The following LARGE1 variants were observed in gnomAD, a reference collection of about 807,000 sequenced individuals.
The protein encoded by LARGE1 is xylosyl- and glucuronyltransferase LARGE1.
A neutral mutation model predicts 87.6 loss-of-function variants in LARGE1; 43 were observed. The observed-to-expected ratio is 0.49, with a 90% CI of 0.38 to 0.63. The LOEUF (loss-of-function observed/expected upper bound fraction) is 0.63, where lower values mean the gene tolerates loss of function less well. Ranked by LOEUF, LARGE1 falls within the 30% of genes least tolerant of loss-of-function variation. The probability of loss-of-function intolerance (pLI) is 0.00; values close to 1 mark genes in which losing one functional copy is unlikely to be tolerated. For synonymous variants in LARGE1, 434 were observed against 394.6 expected, an observed-to-expected ratio of 1.10 and a Z score of -1.18; for missense variants, 802 against 1,000.2, an observed-to-expected ratio of 0.80 and a Z score of 2.67.
chr22:33,534,437 A>C (rs756449093), intron 6 of LARGE1, among the ~76,000 whole-genome samples: 2 of 151,552 alleles, frequency 1.3e-5, no homozygotes, highest in Non-Finnish European at 2.9e-5. Context: ...AAGAGGGATG[A>C]AGTCACTCAC....
intron 6 of LARGE1, among the ~76,000 whole-genome samples, chr22:33,451,845 C>A (rs1187611957): frequency 6.6e-6 from 1 of 151,652 alleles, no homozygotes; most frequent in African/African-American, 2.4e-5. Flanking sequence ...GCGTGAGCCA[C>A]CGCCCCCGGC....
At chr22:33,769,010 G>A (rs2084987731) in intron 1 of LARGE1, among the ~76,000 whole-genome samples, 1 of 152,174 alleles carries the variant, frequency 6.6e-6, no homozygotes, top group Admixed American at 6.5e-5. Context: ...TCTCCTCTCT[G>A]CTCCTCACTT....
intron 6 of LARGE1, among the ~76,000 whole-genome samples, chr22:33,476,477 G>A (rs754266249): frequency 8.5e-5 from 13 of 152,172 alleles, no homozygotes; most frequent in African/African-American, 1.7e-4. Flanking sequence ...CATATTGACT[G>A]ATGCATCACG....
At chr22:33,671,790 C>T (rs2081421448) in intron 2 of LARGE1, among the ~76,000 whole-genome samples, 1 of 152,150 alleles carries the variant, frequency 6.6e-6, no homozygotes, top group African/African-American at 2.4e-5. Flanking sequence ...TTATTGATAT[C>T]CTACCGTTCA....
At chr22:33,742,619 C>A (rs2083927400) in intron 2 of LARGE1, among the ~76,000 whole-genome samples, 1 of 152,212 alleles carries the variant, frequency 6.6e-6, no homozygotes. Context: ...AGAACCCCTG[C>A]ACTTTCTACC....
intron 10 of LARGE1, among the ~76,000 whole-genome samples, chr22:33,334,965 G>A (rs1163026749): frequency 3.9e-5 from 6 of 152,214 alleles, no homozygotes; most frequent in Admixed American, 2.0e-4. Flanking sequence ...AGGGGAAGGA[G>A]ATGGTAGGAA....
intron 2 of LARGE1, among the ~76,000 whole-genome samples, chr22:33,680,335 G>A (rs2081722217): frequency 6.6e-6 from 1 of 152,086 alleles, no homozygotes; most frequent in South Asian, 2.1e-4. Flanking sequence ...GCTCGGGGCG[G>A]GTGCAGAAGA....
rs180726525 is a variant in LARGE1 at position 33,699,450 on chromosome 22, G to A, written c.107-48782C>T. Among the ~76,000 whole-genome samples the A allele has an allele frequency of 3.3e-5, 5 of 152,336 alleles. No individual in the cohort carries two copies. In the East Asian group the frequency reaches 9.6e-4, roughly 29 times the overall value. On this transcript the variant is annotated intron_variant, in intron 2 of 14. Transcript: ENST00000397394. Reference sequence around the variant, plus strand: ...ATTCCTAGAAGCAGAGCCAGGAGGAGGCCAGCTCCACAGAGCTGCAAAGTG... The same window carrying A: ...ATTCCTAGAAGCAGAGCCAGGAGGAAGCCAGCTCCACAGAGCTGCAAAGTG...
chr22:33,140,246 C>T, the LARGE1 span, among the ~76,000 whole-genome samples: 3 of 152,164 alleles, frequency 2.0e-5, no homozygotes, highest in African/African-American at 4.8e-5. Context: ...TGGTCCTCAA[C>T]TGGGAGCTGG....
At chr22:33,140,904 T>G in the LARGE1 span, among the ~76,000 whole-genome samples, 6 of 152,220 alleles carry the variant, frequency 3.9e-5, no homozygotes, top group Non-Finnish European at 7.3e-5. Context: ...CTATTAGTCC[T>G]GTCCCTCTAG....
At chr22:33,495,533 A>C (rs1312207696) in intron 6 of LARGE1, among the ~76,000 whole-genome samples, 1 of 152,076 alleles carries the variant, frequency 6.6e-6, no homozygotes, top group East Asian at 1.9e-4. Flanking sequence ...AGCCTGACAG[A>C]CATGGTGAAA....
chr22:33,231,504 G>A (rs928069834), intron 11 of LARGE1, among the ~76,000 whole-genome samples: 1 of 152,184 alleles, frequency 6.6e-6, no homozygotes, highest in African/African-American at 2.4e-5. Context: ...CTCAATACAA[G>A]TTAGCATAGG....
intron 11 of LARGE1, among the ~76,000 whole-genome samples, chr22:33,180,912 A>C (rs68035672): frequency 0.17 from 25,373 of 152,052 alleles, 2,270 homozygotes; most frequent in South Asian, 0.32. Context: ...TTTCTGGGGG[A>C]TAGGATTGGG....
At chr22:33,595,840 G>A (rs1437296090) in intron 5 of LARGE1, among the ~76,000 whole-genome samples, 1 of 152,184 alleles carries the variant, frequency 6.6e-6, no homozygotes, top group Non-Finnish European at 1.5e-5. Context: ...TAGTAGAGAA[G>A]GCAGATGAGG....
chr22:33,473,755 C>A (rs183415285), intron 6 of LARGE1, among the ~76,000 whole-genome samples: 11 of 152,170 alleles, frequency 7.2e-5, no homozygotes, highest in Admixed American at 1.3e-4. Context: ...TTTTTCATAC[C>A]TTCTACATAC....
At chr22:33,863,363 A>G (rs1482927308) in intron 1 of LARGE1, among the ~76,000 whole-genome samples, 1 of 152,180 alleles carries the variant, frequency 6.6e-6, no homozygotes, top group Non-Finnish European at 1.5e-5. Flanking sequence ...CTTGCCCAAC[A>G]GTCTCCTGCC....
intron 11 of LARGE1, chr22:33,305,708 TAAGTGGC>T: frequency 8.6e-6 from 4 of 464,732 alleles, no homozygotes; most frequent in Non-Finnish European, 1.1e-5. Flanking sequence ...GTAATTCTGT[TAAGTGGC>T]ACTGCCCAGA....
intron 1 of LARGE1, among the ~76,000 whole-genome samples, chr22:33,785,119 ATATGCATATATGTG>A (rs1569445853): frequency 1.2e-3 from 75 of 62,760 alleles, no homozygotes; most frequent in Admixed American, 1.4e-3. Flanking sequence ...ACATATGTGT[ATATGCATATATGTG>A]TATACATACA....
chr22:33,776,792 T>C (rs1286108666), intron 1 of LARGE1, among the ~76,000 whole-genome samples: 2 of 152,108 alleles, frequency 1.3e-5, no homozygotes, highest in Non-Finnish European at 2.9e-5. Context: ...CCTAGGGAGA[T>C]TTCATACAAA....
Sources: allele counts gnomAD v4.1 joint callset (sites outside exome capture counted in the v4.1 genomes callset), GRCh38; gene constraint gnomAD v4.1.1; transcripts MANE v1.5; gene names NCBI Gene and HGNC (gene_info 2026-07-23, HGNC 2026-07-21).